The following SPAST variants were observed in gnomAD, a reference collection of about 807,000 sequenced individuals.
SPAST encodes spastic paraplegia 4 (autosomal dominant; spastin).
Under a neutral mutation model 76.6 loss-of-function variants are expected in SPAST, and 30 were observed. The observed-to-expected ratio is 0.39, with a 90% CI of 0.29 to 0.53. SPAST has a LOEUF of 0.53. SPAST is among the 20% of genes least tolerant of loss of function. SPAST has a pLI of 0.68. For missense variants in SPAST, 717 were observed against 770.5 expected (o/e 0.93, Z 0.82); for synonymous variants, 305 against 281.0 (o/e 1.09, Z -0.86).
intron 4 of SPAST, among the ~76,000 whole-genome samples, chr2:32,100,932 T>C (rs1174307565): frequency 6.6e-6 from 1 of 152,232 alleles, no homozygotes; most frequent in Non-Finnish European, 1.5e-5. Context: ...CATGTGCATG[T>C]GTCTTTATAG....
Position 32,063,764 on chromosome 2 carries a change from C to T in SPAST, c.-68C>T, listed in dbSNP as rs1241141624. ...TGGCCCCCGCCGTAGCAGTGGCTGC[C>T]GCCGTCGCTTGGTTCCCGTCGGTCT... On this transcript the variant is annotated 5_prime_UTR_variant, in exon 1 of 17. Coordinates refer to ENST00000315285, the MANE Select transcript of SPAST (RefSeq NM_014946.4). 21 of 1,525,298 alleles carry T rather than the reference C, an allele frequency of 1.4e-5. No individual in the cohort carries two copies. Among genetic ancestry groups the T allele is most frequent in the African/African-American group, 4.1e-5 (3 of 72,534 alleles). The allele number at this position is 1,525,298 out of a possible 1,614,324, so 94.5% of individuals were successfully genotyped here.
rs999232980 is a variant in SPAST, at chr2:32,099,273, C to A, written c.682+382C>A. Among the ~76,000 whole-genome samples, 7 of 151,652 alleles carry A rather than the reference C, an allele frequency of 4.6e-5. No individual in the cohort carries two copies. The East Asian group carries it at 1.2e-3, about 25-fold the overall frequency. ...AGACACATTTTAATTTTTTATGTATCAATTTTTATTGCATATCAATTTTCA... is the reference window on the plus strand; with the variant it reads ...AGACACATTTTAATTTTTTATGTATAAATTTTTATTGCATATCAATTTTCA... On this transcript the variant is annotated intron_variant, in intron 4 of 16. Transcript: ENST00000315285.
chr2:32,135,934 C>T (rs1679521106), intron 9 of SPAST, among the ~76,000 whole-genome samples: 1 of 151,810 alleles, frequency 6.6e-6, no homozygotes, highest in Non-Finnish European at 1.5e-5. Context: ...AAAAATTAGC[C>T]AGGCGTGGTG....
chr2:32,101,224 T>G (rs934324224), intron 4 of SPAST, among the ~76,000 whole-genome samples: 102 of 152,250 alleles, frequency 6.7e-4, no homozygotes, highest in Admixed American at 1.2e-3. Context: ...ATGATGAGCA[T>G]TTTTTCATGT....
intron 7 of SPAST, among the ~76,000 whole-genome samples, chr2:32,120,353 C>T (rs965422522): frequency 6.6e-6 from 1 of 152,074 alleles, no homozygotes; most frequent in African/African-American, 2.4e-5. Flanking sequence ...TTTTTCTCAC[C>T]CAGGCTGGAG....
At chr2:32,065,992 G>A (rs989540563) in intron 1 of SPAST, 1 of 66,504 alleles carries the variant, frequency 1.5e-5, no homozygotes, top group East Asian at 4.8e-4. Flanking sequence ...TTTTTTTTTT[G>A]AGATGGAGTC....
intron 16 of SPAST, among the ~76,000 whole-genome samples, chr2:32,153,517 T>C (rs926670232): frequency 1.3e-5 from 2 of 151,770 alleles, no homozygotes; most frequent in African/African-American, 2.4e-5. Context: ...GGTTTCACCA[T>C]GTTGGCCAGG....
At chr2:32,074,787 A>G (rs977947158) in intron 1 of SPAST, among the ~76,000 whole-genome samples, 8 of 152,118 alleles carry the variant, frequency 5.3e-5, no homozygotes, top group Non-Finnish European at 8.8e-5. Context: ...GATTACAGGC[A>G]TGAGTCACTG....
chr2:32,153,751 A>G (rs565775282), intron 16 of SPAST, among the ~76,000 whole-genome samples: 7 of 152,188 alleles, frequency 4.6e-5, no homozygotes, highest in Non-Finnish European at 8.8e-5. Context: ...GCAATTTAAA[A>G]GATCAGAAAA....
chr2:32,134,032 A>G (rs1446614169), intron 9 of SPAST, among the ~76,000 whole-genome samples: 1 of 152,030 alleles, frequency 6.6e-6, no homozygotes, highest in Non-Finnish European at 1.5e-5. Flanking sequence ...TCGTTACTCT[A>G]TTTATTTATT....
intron 1 of SPAST, among the ~76,000 whole-genome samples, chr2:32,077,341 G>A (rs773436165): frequency 6.6e-6 from 1 of 152,150 alleles, no homozygotes; most frequent in African/African-American, 2.4e-5. Flanking sequence ...TAACATAGAT[G>A]AGCAAATGTC....
At chr2:32,142,368 G>A (rs984815377) in intron 13 of SPAST, among the ~76,000 whole-genome samples, 3 of 152,084 alleles carry the variant, frequency 2.0e-5, no homozygotes, top group Non-Finnish European at 2.9e-5. Flanking sequence ...GATATATGTC[G>A]CATATCATAG....
chr2:32,147,092 C>CT (rs1179773125), intron 15 of SPAST, 126 bp from the exon 16 acceptor site: 51 of 663,328 alleles, frequency 7.7e-5, no homozygotes, highest in East Asian at 6.7e-4. Flanking sequence ...ACATGTGTCT[C>CT]TTTTTTTTAA....
intron 16 of SPAST, 79 bp from the exon 17 acceptor site, chr2:32,154,295 A>G (rs1680180656): frequency 2.5e-6 from 3 of 1,215,012 alleles, no homozygotes; most frequent in East Asian, 2.3e-5. Context: ...CAGCAGCATC[A>G]TTACTTTAAT....
chr2:32,104,130 G>T (rs1166646814), intron 4 of SPAST, among the ~76,000 whole-genome samples: 1 of 152,120 alleles, frequency 6.6e-6, no homozygotes, highest in Non-Finnish European at 1.5e-5. Flanking sequence ...ATGAATCTGG[G>T]TGCTCCTGTA....
intron 13 of SPAST, 150 bp downstream of exon 13, chr2:32,142,096 GCCAGC>G: frequency 1.5e-6 from 1 of 650,368 alleles, no homozygotes; most frequent in Non-Finnish European, 2.6e-6. Context: ...TACTGTCAGA[GCCAGC>G]AATTTCACTC....
intron 6 of SPAST, 76 bp from the exon 7 acceptor site, chr2:32,116,043 C>T: frequency 8.9e-7 from 1 of 1,122,518 alleles, no homozygotes; most frequent in Non-Finnish European, 1.4e-6. Context: ...AACTATATGT[C>T]ATAGGGCTTA....
At chr2:32,107,780 TGGCTTTATA>T (rs1311525339) in intron 4 of SPAST, among the ~76,000 whole-genome samples, 4 of 152,178 alleles carry the variant, frequency 2.6e-5, no homozygotes, top group African/African-American at 9.7e-5. Flanking sequence ...AAGGGCATAT[TGGCTTTATA>T]GCTAATTTAC....
chr2:32,130,166 G>A (rs1020397790), intron 9 of SPAST: 8 of 152,212 alleles, frequency 5.3e-5, no homozygotes, highest in East Asian at 1.9e-4. Flanking sequence ...ACATGCCAGC[G>A]AATACGTGGT....
Sources: gnomAD v4.1 joint callset for allele counts (sites outside exome capture counted in the v4.1 genomes callset) on GRCh38, gnomAD v4.1.1 for gene constraint, MANE v1.5 for transcripts, NCBI Gene and HGNC (gene_info 2026-07-23, HGNC 2026-07-21) for gene names.